ADAM18: variants seen among roughly 807,000 people sequenced by gnomAD.
ADAM18 encodes the protein ADAM metallopeptidase domain 18, also known as disintegrin and metalloproteinase domain-containing protein 18.
ADAM18 carries 117 observed loss-of-function variants against 94.4 expected under a neutral mutation model. The observed-to-expected ratio is 1.24, with a 90% CI of 1.07 to 1.45. ADAM18 has a LOEUF of 1.45. ADAM18 is among the 40% of genes most tolerant of loss of function. ADAM18 has a pLI of 0.00. For synonymous variants in ADAM18, 327 were observed against 291.6 expected, an observed-to-expected ratio of 1.12 and a Z score of -1.24; for missense variants, 936 against 880.0, an observed-to-expected ratio of 1.06 and a Z score of -0.81.
intron 16 of ADAM18, among the ~76,000 whole-genome samples, chr8:39,687,428 T>C (rs1032792790): frequency 2.0e-5 from 3 of 152,212 alleles, no homozygotes; most frequent in Non-Finnish European, 4.4e-5. Context: ...TCATCTCCCT[T>C]CCTCTTACAT....
chr8:39,625,175 A>G (rs957679240), intron 6 of ADAM18, among the ~76,000 whole-genome samples: 2 of 152,170 alleles, frequency 1.3e-5, no homozygotes, highest in Non-Finnish European at 2.9e-5. Context: ...ATCCATGAGC[A>G]TGGGATGAAT....
chr8:39,630,644 A>G (rs536308303), intron 7 of ADAM18, among the ~76,000 whole-genome samples: 31 of 152,032 alleles, frequency 2.0e-4, no homozygotes, highest in African/African-American at 7.5e-4. Context: ...TTTCTTGTAT[A>G]CTAACGTGAA....
intron 12 of ADAM18, among the ~76,000 whole-genome samples, chr8:39,659,865 C>T (rs892891537): frequency 4.6e-5 from 7 of 151,980 alleles, no homozygotes; most frequent in South Asian, 2.1e-4. Flanking sequence ...TGAAAATAAA[C>T]GTGTATTCCC....
chr8:39,586,502 T>G (rs1212979154), intron 2 of ADAM18, among the ~76,000 whole-genome samples: 1 of 152,142 alleles, frequency 6.6e-6, no homozygotes. Flanking sequence ...GATCCCAAGG[T>G]TGGAGGATCG....
At position 39,701,117 on chromosome 8, in the gene ADAM18, C is replaced by CAAAAAAAAAAAAAAAAAAAAAAAAA. The variant is rs71237188; in HGVS notation, c.1903-5665_1903-5641dup. 3.2e-4 allele frequency among the ~76,000 whole-genome samples: 11 copies of CAAAAAAAAAAAAAAAAAAAAAAAAA among 34,564 alleles called. 1 individual carries two copies. The highest frequency in any genetic ancestry group is 4.0e-4 in the Non-Finnish European group (8 of 19,836). 22.7% of individuals were successfully genotyped at this position (34,564 alleles called of 152,430 possible). A position where few individuals can be genotyped will look rare whatever the true frequency, so the allele number is the denominator to read the frequency against. On this transcript the variant is annotated intron_variant, in intron 17 of 19. Coordinates refer to ENST00000265707, the MANE Select transcript of ADAM18 (RefSeq NM_014237.3). ...TGGGCGACAGAGCAAGACTCTGTCT[C>CAAAAAAAAAAAAAAAAAAAAAAAAA]AAAAAAAAAAAAAAAAAAAAAAAAA...
chr8:39,651,411 T>C (rs1314653099), intron 12 of ADAM18, among the ~76,000 whole-genome samples: 17 of 152,194 alleles, frequency 1.1e-4, no homozygotes. Context: ...GACTATTACA[T>C]GGAGAGAAAC....
intron 2 of ADAM18, among the ~76,000 whole-genome samples, chr8:39,590,409 G>A (rs999388740): frequency 6.6e-6 from 1 of 152,110 alleles, no homozygotes; most frequent in Non-Finnish European, 1.5e-5. Flanking sequence ...CACAGGAAGG[G>A]CAACATCACA....
At chr8:39,634,149 GC>G (rs969497722) in intron 7 of ADAM18, among the ~76,000 whole-genome samples, 1 of 152,100 alleles carries the variant, frequency 6.6e-6, no homozygotes, top group African/African-American at 2.4e-5. Flanking sequence ...GCACTTCTCT[GC>G]TGCCCTGGCT....
At chr8:39,651,868 G>C (rs1044445522) in intron 12 of ADAM18, among the ~76,000 whole-genome samples, 1 of 152,094 alleles carries the variant, frequency 6.6e-6, no homozygotes, top group African/African-American at 2.4e-5. Flanking sequence ...TAAAGCTATA[G>C]TAATCAAAAC....
At chr8:39,697,735 A>C (rs555278284) in intron 17 of ADAM18, among the ~76,000 whole-genome samples, 2 of 151,712 alleles carry the variant, frequency 1.3e-5, no homozygotes, top group South Asian at 4.1e-4. Context: ...TGTTTTTTTG[A>C]ATGTTTTATC....
At chr8:39,664,295 T>C (rs1820931869) in intron 13 of ADAM18, among the ~76,000 whole-genome samples, 1 of 152,194 alleles carries the variant, frequency 6.6e-6, no homozygotes, top group Non-Finnish European at 1.5e-5. Flanking sequence ...ACAGTATAAC[T>C]ATTTACATAG....
intron 2 of ADAM18, among the ~76,000 whole-genome samples, chr8:39,595,779 C>A (rs1004867530): frequency 6.6e-6 from 1 of 152,194 alleles, no homozygotes; most frequent in African/African-American, 2.4e-5. Flanking sequence ...CCACCTCGGC[C>A]TCCCAAAGTG....
rs182847279 is a variant in ADAM18 at position 39,691,734 on chromosome 8, A to C, written c.1822-866A>C. 1.4e-3 allele frequency among the ~76,000 whole-genome samples: 211 copies of C among 151,608 alleles called. 1 individual carries two copies. The highest frequency in any genetic ancestry group is 4.9e-3 in the African/African-American group (201 of 41,054). Reference sequence around the variant, plus strand: ...AACTGAATTAAGCCAAACACAGATAAATAAATATCATATATTCTTACTCAT... The same window carrying C: ...AACTGAATTAAGCCAAACACAGATACATAAATATCATATATTCTTACTCAT... On this transcript the variant is annotated intron_variant, in intron 16 of 19. Coordinates refer to ENST00000265707, the MANE Select transcript of ADAM18 (RefSeq NM_014237.3).
chr8:39,645,172 C>T (rs1345732880), intron 10 of ADAM18, among the ~76,000 whole-genome samples, 166 bp from the exon 11 acceptor site: 1 of 152,048 alleles, frequency 6.6e-6, no homozygotes, highest in Admixed American at 6.6e-5. Context: ...GCTTCTTAAT[C>T]AATAAATTAC....
intron 2 of ADAM18, among the ~76,000 whole-genome samples, chr8:39,597,246 G>A (rs1818769963): frequency 6.6e-6 from 1 of 152,032 alleles, no homozygotes; most frequent in Non-Finnish European, 1.5e-5. Flanking sequence ...ATACTTGACA[G>A]TGTCTTTCAC....
chr8:39,665,309 T>A (rs1039233178), intron 13 of ADAM18, among the ~76,000 whole-genome samples: 2 of 152,194 alleles, frequency 1.3e-5, no homozygotes, highest in African/African-American at 4.8e-5. Flanking sequence ...ATTGCAAGGA[T>A]TGTAAGGATG....
At chr8:39,587,294 A>G (rs1818433559) in intron 2 of ADAM18, among the ~76,000 whole-genome samples, 1 of 152,224 alleles carries the variant, frequency 6.6e-6, no homozygotes. Flanking sequence ...ATCGTTAACT[A>G]TAGGTACTAT....
intron 17 of ADAM18, among the ~76,000 whole-genome samples, chr8:39,699,971 C>T (rs753474929): frequency 1.3e-5 from 2 of 152,102 alleles, no homozygotes; most frequent in Non-Finnish European, 2.9e-5. Context: ...ACAAAGATTA[C>T]AGAGAAATGT....
chr8:39,595,237 G>A (rs1818705904), intron 2 of ADAM18, among the ~76,000 whole-genome samples: 1 of 152,038 alleles, frequency 6.6e-6, no homozygotes, highest in Non-Finnish European at 1.5e-5. Context: ...TTGTTTTCAT[G>A]TGTTATTCAT....
Sources: gnomAD v4.1 joint callset for allele counts (sites outside exome capture counted in the v4.1 genomes callset) on GRCh38, gnomAD v4.1.1 for gene constraint, MANE v1.5 for transcripts, NCBI Gene and HGNC (gene_info 2026-07-23, HGNC 2026-07-21) for gene names.